Variants in TAS2R1 observed in about 807,000 individuals in gnomAD.
TAS2R1 encodes the protein taste receptor type 2 member 1.
For synonymous variants in TAS2R1, 141 were observed against 134.2 expected (o/e 1.05, Z -0.35); for missense variants, 370 against 353.4 (o/e 1.05, Z -0.38).
At chr5:9,667,472 G>C (rs2126500083) in intron 1 of TAS2R1, among the ~76,000 whole-genome samples, 1 of 152,262 alleles carries the variant, frequency 6.6e-6, no homozygotes, top group South Asian at 2.1e-4. Flanking sequence ...CCTGCCCAGT[G>C]GCCTCACTTT....
Position 9,662,604 on chromosome 5 carries a change from A to G in TAS2R1, c.-241-3023T>C, listed in dbSNP as rs1208837248. Reference sequence around the variant, plus strand: ...GGAGAGCTCAAGTGAGAATAAGTAGATCAAACAGGTAGCACAACATACATG... The same window carrying G: ...GGAGAGCTCAAGTGAGAATAAGTAGGTCAAACAGGTAGCACAACATACATG... On this transcript the variant is annotated intron_variant, in intron 1 of 2. Coordinates refer to the TAS2R1 transcript ENST00000506620. 4.6e-5 allele frequency among the ~76,000 whole-genome samples: 7 copies of G among 152,200 alleles called. No homozygotes were observed. In the East Asian group the frequency reaches 1.3e-3, roughly 29 times the overall value.
At chr5:9,737,821 C>T in the TAS2R1 span, among the ~76,000 whole-genome samples, 1 of 152,208 alleles carries the variant, frequency 6.6e-6, no homozygotes, top group Non-Finnish European at 1.5e-5. Flanking sequence ...GTCTTCATGA[C>T]TTACTTCTTT....
the TAS2R1 span, among the ~76,000 whole-genome samples, chr5:9,817,802 G>A: frequency 6.6e-6 from 1 of 151,842 alleles, no homozygotes; most frequent in Non-Finnish European, 1.5e-5. Context: ...GGAGGCTTCA[G>A]GAAACTTACA....
the TAS2R1 span, among the ~76,000 whole-genome samples, chr5:9,836,375 G>C: frequency 1.1e-4 from 17 of 152,054 alleles, no homozygotes; most frequent in Non-Finnish European, 2.2e-4. Context: ...CTTGACCTTG[G>C]CACTACTGAC....
chr5:9,719,017 AT>A, the TAS2R1 span, among the ~76,000 whole-genome samples: 2 of 152,224 alleles, frequency 1.3e-5, no homozygotes, highest in Non-Finnish European at 2.9e-5. Context: ...GTTACAAAGG[AT>A]ATTAATTATT....
At chr5:9,703,876 C>T (rs535405152) in intron 1 of TAS2R1, among the ~76,000 whole-genome samples, 2 of 152,284 alleles carry the variant, frequency 1.3e-5, no homozygotes, top group East Asian at 3.9e-4. Context: ...AACTACTAGA[C>T]TAAATGCATA....
intron 1 of TAS2R1, among the ~76,000 whole-genome samples, chr5:9,700,795 T>C (rs1325525359): frequency 1.3e-5 from 2 of 152,198 alleles, no homozygotes; most frequent in African/African-American, 4.8e-5. Flanking sequence ...GGCTTCTTTC[T>C]GTGCATGTCT....
At chr5:9,669,374 G>A (rs367565901) in intron 1 of TAS2R1, among the ~76,000 whole-genome samples, 2 of 152,010 alleles carry the variant, frequency 1.3e-5, no homozygotes, top group East Asian at 1.9e-4. Flanking sequence ...ACTAACAAAC[G>A]TTTTCAGGAC....
At chr5:9,881,230 CATGA>C in the TAS2R1 span, among the ~76,000 whole-genome samples, 2 of 151,926 alleles carry the variant, frequency 1.3e-5, no homozygotes, top group Admixed American at 6.6e-5. Context: ...AGAGCCAAAT[CATGA>C]ATGAACTCCC....
the TAS2R1 span, among the ~76,000 whole-genome samples, chr5:9,801,479 T>C: frequency 1.3e-5 from 2 of 152,314 alleles, no homozygotes; most frequent in East Asian, 3.9e-4. Context: ...ATCATAAACT[T>C]TGGCTCCAAG....
the TAS2R1 span, among the ~76,000 whole-genome samples, chr5:9,879,141 A>G: frequency 7.2e-5 from 11 of 152,272 alleles, no homozygotes; most frequent in Admixed American, 7.2e-4. Context: ...CTTAGTAGTC[A>G]AGGCAAATAT....
At chr5:9,785,822 A>T in the TAS2R1 span, among the ~76,000 whole-genome samples, 7 of 152,114 alleles carry the variant, frequency 4.6e-5, no homozygotes, top group African/African-American at 1.7e-4. Flanking sequence ...AACCTCCCAC[A>T]CCCATCACTC....
At chr5:9,717,116 GCACAAACT>G (rs1184407165), upstream of TAS2R1, among the ~76,000 whole-genome samples, 1 of 152,150 alleles carries the variant, frequency 6.6e-6, no homozygotes, top group African/African-American at 2.4e-5. Context: ...CCACGAGGAA[GCACAAACT>G]CACCCTAGAA....
At chr5:9,779,480 T>C in the TAS2R1 span, among the ~76,000 whole-genome samples, 3 of 152,362 alleles carry the variant, frequency 2.0e-5, no homozygotes, top group African/African-American at 7.2e-5. Flanking sequence ...CAACTCTTCC[T>C]GTCACTTGAA....
chr5:9,864,112 A>T, the TAS2R1 span, among the ~76,000 whole-genome samples: 2 of 152,232 alleles, frequency 1.3e-5, no homozygotes, highest in African/African-American at 4.8e-5. Context: ...GGTTGGGAAG[A>T]GGGAGCCCTG....
At chr5:9,651,676 G>T (rs1187669332) in intron 2 of TAS2R1, among the ~76,000 whole-genome samples, 1 of 152,038 alleles carries the variant, frequency 6.6e-6, no homozygotes, top group Non-Finnish European at 1.5e-5. Context: ...ATTTGAGTGA[G>T]TGCAGCTCCA....
In TAS2R1 at chr5:9,629,820, GAAGAT is replaced by G. The variant is rs1739836839; in HGVS notation, c.88_92del (p.Ile30LeufsTer19). 6.2e-7 allele frequency: 1 copy of G among 1,613,646 alleles called. No individual in the cohort carries two copies. Among genetic ancestry groups the G allele is most frequent in the Admixed American group, 1.7e-5 (1 of 59,938 alleles). On this transcript the variant is annotated frameshift_variant, in exon 3 of 3. Coordinates refer to the TAS2R1 transcript ENST00000506620. LOFTEE classifies it low-confidence loss of function (END_TRUNC). ...CAGAACACATGATGAATTCTATGAA[GAAGAT>G]AACAATCACATTAACGTAGAAGATG... is the stretch of plus-strand genomic sequence containing the variant.
chr5:9,639,839 C>A (rs1740037840), intron 2 of TAS2R1, among the ~76,000 whole-genome samples: 1 of 152,212 alleles, frequency 6.6e-6, no homozygotes, highest in East Asian at 1.9e-4. Flanking sequence ...AGAGTTAGAG[C>A]CTTGCTCTAG....
upstream of TAS2R1, chr5:9,713,201 G>A (rs1418963651): frequency 6.6e-6 from 1 of 152,250 alleles, no homozygotes; most frequent in East Asian, 1.9e-4. Flanking sequence ...CCCACCAGAA[G>A]AGGAACCGTG....
Sources: gnomAD v4.1 joint callset for allele counts (sites outside exome capture counted in the v4.1 genomes callset) on GRCh38, gnomAD v4.1.1 for gene constraint, MANE v1.5 for transcripts, NCBI Gene and HGNC (gene_info 2026-07-23, HGNC 2026-07-21) for gene names.